The following CNTN6 variants were observed in gnomAD, a reference collection of about 807,000 sequenced individuals.
CNTN6 encodes contactin-6.
Under a neutral mutation model 122.8 loss-of-function variants are expected in CNTN6, and 137 were observed. The observed-to-expected ratio is 1.12, with a 90% CI of 0.97 to 1.29. The LOEUF (loss-of-function observed/expected upper bound fraction) is 1.29. CNTN6 is among the 50% of genes most tolerant of loss of function. CNTN6 has a pLI of 0.00. For synonymous variants in CNTN6, 570 were observed against 426.0 expected (o/e 1.34, Z -4.16); for missense variants, 1,634 against 1,223.4 (o/e 1.34, Z -5.01).
intron 5 of CNTN6, among the ~76,000 whole-genome samples, chr3:1,287,074 G>A (rs917724715): frequency 1.4e-4 from 21 of 152,066 alleles, no homozygotes; most frequent in East Asian, 3.9e-4. Flanking sequence ...CATAAAGCAC[G>A]TTCTTAGAGT....
At chr3:1,135,228 C>G (rs1348383998) in intron 1 of CNTN6, among the ~76,000 whole-genome samples, 1 of 152,110 alleles carries the variant, frequency 6.6e-6, no homozygotes, top group Non-Finnish European at 1.5e-5. Flanking sequence ...AAAATTCTTG[C>G]CTCTCTTTTG....
At chr3:1,371,622 A>C (rs1328212543) in intron 12 of CNTN6, among the ~76,000 whole-genome samples, 3 of 152,098 alleles carry the variant, frequency 2.0e-5, no homozygotes, top group African/African-American at 7.2e-5. Context: ...TGTCCTTTGA[A>C]ATTTTGGTCA....
At chr3:1,254,675 A>T (rs1214708713) in intron 4 of CNTN6, among the ~76,000 whole-genome samples, 1 of 152,206 alleles carries the variant, frequency 6.6e-6, no homozygotes, top group African/African-American at 2.4e-5. Flanking sequence ...TGTAATAAAT[A>T]GTCTGAGGAG....
Position 1,243,181 on chromosome 3 carries a change from G to A in CNTN6, c.358+15188G>A, listed in dbSNP as rs1306647264. ...GGTGAGTTGAACAGTCCGATTTTCA[G>A]TGGGTTCCTGCACAGATGGGACGCG... On this transcript the variant is annotated intron_variant, in intron 4 of 22. Transcript: ENST00000446702. 2.6e-5 allele frequency among the ~76,000 whole-genome samples: 4 copies of A among 152,154 alleles called. No individual in the cohort carries two copies. In the South Asian group the frequency reaches 8.3e-4, roughly 31 times the overall value.
chr3:1,206,866 G>C (rs906465746), intron 2 of CNTN6, among the ~76,000 whole-genome samples: 2 of 152,014 alleles, frequency 1.3e-5, no homozygotes, highest in Admixed American at 6.6e-5. Context: ...TTAGATTCTA[G>C]TCCATCACTC....
Position 1,376,975 on chromosome 3 carries a change from C to T in CNTN6, c.2096-30C>T, listed in dbSNP as rs775414301. 1.2e-5 allele frequency: 17 copies of T among 1,452,708 alleles called. No homozygotes were observed. The East Asian group carries it at 3.9e-4, about 34-fold the overall frequency. 90.0% of individuals were successfully genotyped at this position (1,452,708 alleles called of 1,614,324 possible). A position where few individuals can be genotyped will look rare whatever the true frequency, so the allele number is the denominator to read the frequency against. ...TGATGAAGACGTACTTTAATAATTGCCATCCCACATTTCTCTTGGTTATTT... is the reference window on the plus strand; with the variant it reads ...TGATGAAGACGTACTTTAATAATTGTCATCCCACATTTCTCTTGGTTATTT... On this transcript the variant is annotated intron_variant, in intron 16 of 22. Coordinates refer to ENST00000446702, the MANE Select transcript of CNTN6 (RefSeq NM_001289080.2).
intron 2 of CNTN6, among the ~76,000 whole-genome samples, chr3:1,214,043 C>T (rs1033187318): frequency 3.3e-5 from 5 of 151,754 alleles, no homozygotes; most frequent in African/African-American, 7.2e-5. Flanking sequence ...TTTATCTTAT[C>T]GAGGTTGTAG....
chr3:1,324,850 A>G (rs1262571963), intron 8 of CNTN6, among the ~76,000 whole-genome samples: 1 of 149,584 alleles, frequency 6.7e-6, no homozygotes, highest in Non-Finnish European at 1.5e-5. Flanking sequence ...CTACCATGTC[A>G]TCTTGAACAG....
At chr3:1,104,904 T>C (rs1042239830) in intron 1 of CNTN6, among the ~76,000 whole-genome samples, 2 of 152,152 alleles carry the variant, frequency 1.3e-5, no homozygotes, top group African/African-American at 2.4e-5. Context: ...AGATGGGTGT[T>C]CCCTTTTTAC....
At chr3:1,103,081 G>A (rs2091030722) in intron 1 of CNTN6, among the ~76,000 whole-genome samples, 1 of 152,044 alleles carries the variant, frequency 6.6e-6, no homozygotes, top group Non-Finnish European at 1.5e-5. Flanking sequence ...ACTCCAGCCT[G>A]GGCGACAGAG....
At chr3:1,264,010 A>G (rs1349426105) in intron 4 of CNTN6, among the ~76,000 whole-genome samples, 1 of 151,946 alleles carries the variant, frequency 6.6e-6, no homozygotes, top group African/African-American at 2.4e-5. Flanking sequence ...CATCGGGGGA[A>G]GAAACTCATT....
intron 1 of CNTN6, among the ~76,000 whole-genome samples, 180 bp downstream of exon 1, chr3:1,093,300 A>G (rs1250552501): frequency 6.6e-6 from 1 of 152,136 alleles, no homozygotes; most frequent in Non-Finnish European, 1.5e-5. Flanking sequence ...TTTAAAATGC[A>G]TTTATTCCTT....
At chr3:1,339,925 A>C (rs1255062287) in intron 11 of CNTN6, among the ~76,000 whole-genome samples, 1 of 152,192 alleles carries the variant, frequency 6.6e-6, no homozygotes, top group African/African-American at 2.4e-5. Flanking sequence ...CCCCATATTT[A>C]ACCATGAGTT....
intron 7 of CNTN6, among the ~76,000 whole-genome samples, chr3:1,307,597 T>C (rs1698566121): frequency 6.6e-6 from 1 of 152,142 alleles, no homozygotes; most frequent in East Asian, 1.9e-4. Context: ...ATTTATTTGG[T>C]ATTTATGCCC....
At chr3:1,355,544 G>A (rs563204951) in intron 12 of CNTN6, among the ~76,000 whole-genome samples, 22 of 151,750 alleles carry the variant, frequency 1.4e-4, no homozygotes, top group African/African-American at 5.1e-4. Flanking sequence ...CTTGACTATT[G>A]GGTGTATAGT....
rs140014929 is a variant in CNTN6 at position 1,377,061 on chromosome 3, G to A, written c.2152G>A (p.Val718Ile). Residue 718 changes from valine to isoleucine, a missense_variant, in exon 17 of 23, where the codon GTC (valine) becomes ATC (isoleucine). Transcript: ENST00000446702. ...HGGGGSRSEL[V>I]ITWESIPEEL... Reference sequence around the variant, plus strand: ...AGGTGGAGGAAGTCGGTCTGAACTCGTCATTACGTGGGAGGTAATTTTCTG... The same window carrying A: ...AGGTGGAGGAAGTCGGTCTGAACTCATCATTACGTGGGAGGTAATTTTCTG... 4.0e-5 allele frequency: 64 copies of A among 1,598,696 alleles called. 1 individual carries two copies. The Middle Eastern group carries it at 6.6e-4, about 17-fold the overall frequency.
chr3:1,390,920 T>G (rs1694046073), intron 20 of CNTN6, among the ~76,000 whole-genome samples: 1 of 150,492 alleles, frequency 6.6e-6, no homozygotes, highest in African/African-American at 2.5e-5. Flanking sequence ...ATCAATAGTT[T>G]ACCAACCAAA....
intron 10 of CNTN6, 62 bp from the exon 11 acceptor site, chr3:1,329,723 C>T: frequency 5.0e-6 from 7 of 1,410,670 alleles, no homozygotes; most frequent in Non-Finnish European, 6.8e-6. Context: ...AGCAAGTCAC[C>T]CCTGGAGTCA....
intron 4 of CNTN6, among the ~76,000 whole-genome samples, chr3:1,248,299 C>G (rs2094609005): frequency 6.6e-6 from 1 of 152,102 alleles, no homozygotes; most frequent in Non-Finnish European, 1.5e-5. Flanking sequence ...GGAATTTATA[C>G]AAATAAACCA....
Sources: allele counts gnomAD v4.1 joint callset (sites outside exome capture counted in the v4.1 genomes callset), GRCh38; gene constraint gnomAD v4.1.1; transcripts MANE v1.5; gene names NCBI Gene and HGNC (gene_info 2026-07-23, HGNC 2026-07-21).